PDE4B: variants seen among roughly 807,000 people sequenced by gnomAD.
The protein encoded by PDE4B is phosphodiesterase 4B.
Under a neutral mutation model 82.2 loss-of-function variants are expected in PDE4B, and 20 were observed. The observed-to-expected ratio is 0.24, with a 90% CI of 0.17 to 0.35. The LOEUF (loss-of-function observed/expected upper bound fraction) is 0.35, where lower values mean the gene tolerates loss of function less well. PDE4B is among the 10% of genes least tolerant of loss of function. PDE4B has a pLI of 1.00. For synonymous variants in PDE4B, 320 were observed against 318.9 expected, an observed-to-expected ratio of 1.00 and a Z score of -0.04; for missense variants, 655 against 907.2, an observed-to-expected ratio of 0.72 and a Z score of 3.57.
At chr1:66,059,169 A>G (rs1655458548) in intron 3 of PDE4B, among the ~76,000 whole-genome samples, 1 of 152,186 alleles carries the variant, frequency 6.6e-6, no homozygotes, top group Non-Finnish European at 1.5e-5. Context: ...CATAACAAGC[A>G]TCACCTTTGC....
At chr1:66,241,279 C>A (rs1327670344) in intron 3 of PDE4B, among the ~76,000 whole-genome samples, 16 of 152,146 alleles carry the variant, frequency 1.1e-4, no homozygotes, top group Non-Finnish European at 1.5e-5. Context: ...ACAGCTTAGT[C>A]CTTCATTAGA....
intron 3 of PDE4B, among the ~76,000 whole-genome samples, chr1:66,237,676 A>G (rs1277806610): frequency 1.3e-5 from 2 of 152,212 alleles, no homozygotes; most frequent in Non-Finnish European, 2.9e-5. Context: ...GTTTCCTTAG[A>G]CTTGATGTGG....
At chr1:66,224,206 C>G (rs1181775086) in intron 3 of PDE4B, among the ~76,000 whole-genome samples, 1 of 152,188 alleles carries the variant, frequency 6.6e-6, no homozygotes, top group Non-Finnish European at 1.5e-5. Context: ...CTCATAGACT[C>G]TGCCACTTCT....
At chr1:66,013,869 A>G (rs528577748) in intron 3 of PDE4B, among the ~76,000 whole-genome samples, 23 of 152,260 alleles carry the variant, frequency 1.5e-4, no homozygotes, top group Non-Finnish European at 2.5e-4. Flanking sequence ...TATTTCCCAT[A>G]CGGTTCTCCA....
chr1:66,117,118 A>T (rs1217422687), intron 3 of PDE4B, among the ~76,000 whole-genome samples: 1 of 152,170 alleles, frequency 6.6e-6, no homozygotes, highest in Non-Finnish European at 1.5e-5. Flanking sequence ...CTGTGGATAA[A>T]AGAAAAACAG....
chr1:66,164,517 CAG>C (rs1283767928), intron 3 of PDE4B, among the ~76,000 whole-genome samples: 1 of 94,502 alleles, frequency 1.1e-5, no homozygotes, highest in Admixed American at 1.8e-4. Flanking sequence ...GCCTGGACAA[CAG>C]AGAGAGACTC....
intron 3 of PDE4B, among the ~76,000 whole-genome samples, chr1:65,991,768 T>A (rs1651258129): frequency 6.6e-6 from 1 of 152,192 alleles, no homozygotes; most frequent in African/African-American, 2.4e-5. Flanking sequence ...GAACAAAGAA[T>A]ACACCCACTC....
intron 12 of PDE4B, among the ~76,000 whole-genome samples, 155 bp downstream of exon 12, chr1:66,363,726 A>G (rs999143973): frequency 2.0e-5 from 3 of 152,150 alleles, no homozygotes; most frequent in Non-Finnish European, 4.4e-5. Flanking sequence ...ACAGTGAGCT[A>G]TGATTGCTCC....
chr1:66,247,241 A>G (rs1326683332), intron 3 of PDE4B, among the ~76,000 whole-genome samples: 2 of 152,184 alleles, frequency 1.3e-5, no homozygotes, highest in African/African-American at 2.4e-5. Context: ...GCATGGGTAA[A>G]TAACTGAACT....
At chr1:66,136,177 A>C (rs1391674709) in intron 3 of PDE4B, among the ~76,000 whole-genome samples, 1 of 152,146 alleles carries the variant, frequency 6.6e-6, no homozygotes, top group East Asian at 1.9e-4. Flanking sequence ...GTCCACTAGT[A>C]CCACCCTAAT....
At chr1:66,087,715 G>A (rs1455089763) in intron 3 of PDE4B, among the ~76,000 whole-genome samples, 2 of 152,088 alleles carry the variant, frequency 1.3e-5, no homozygotes, top group Non-Finnish European at 1.5e-5. Flanking sequence ...CATGTCCTTT[G>A]TAGGGACGTG....
chr1:66,079,183 T>TCC (rs1656594334), intron 3 of PDE4B, among the ~76,000 whole-genome samples: 1 of 149,804 alleles, frequency 6.7e-6, no homozygotes, highest in Non-Finnish European at 1.5e-5. Context: ...TCTCTCTCTC[T>TCC]CTCTCTCTCT....
chr1:66,149,323 ATTGAG>A (rs1273221717), intron 3 of PDE4B, among the ~76,000 whole-genome samples: 1 of 152,066 alleles, frequency 6.6e-6, no homozygotes, highest in East Asian at 1.9e-4. Flanking sequence ...TTTTTAAACT[ATTGAG>A]TTATTTATAT....
chr1:65,932,854 G>A (rs946984570), intron 3 of PDE4B, among the ~76,000 whole-genome samples: 8 of 151,990 alleles, frequency 5.3e-5, no homozygotes, highest in Non-Finnish European at 1.2e-4. Flanking sequence ...GAAAAGATAA[G>A]CACACTTGAA....
At chr1:66,155,272 C>G (rs1646480595) in intron 3 of PDE4B, among the ~76,000 whole-genome samples, 1 of 152,032 alleles carries the variant, frequency 6.6e-6, no homozygotes, top group Non-Finnish European at 1.5e-5. Flanking sequence ...CAGACTCATT[C>G]CATTTTCCTC....
intron 1 of PDE4B, among the ~76,000 whole-genome samples, chr1:65,866,906 A>G (rs1646518018): frequency 6.6e-6 from 1 of 152,240 alleles, no homozygotes; most frequent in South Asian, 2.1e-4. Context: ...AAGAAAAGTT[A>G]GAAAACGTGA....
intron 3 of PDE4B, among the ~76,000 whole-genome samples, chr1:66,206,059 C>T (rs546083750): frequency 6.6e-6 from 1 of 152,342 alleles, no homozygotes; most frequent in Admixed American, 6.5e-5. Context: ...CCAGGACACT[C>T]ATGGAGTGGC....
At chr1:66,310,686 C>T (rs892995661) in intron 7 of PDE4B, among the ~76,000 whole-genome samples, 9 of 152,136 alleles carry the variant, frequency 5.9e-5, no homozygotes, top group African/African-American at 2.2e-4. Flanking sequence ...CTTTCCATTG[C>T]TCTTCCACTG....
chr1:66,179,964 T>A (rs1255748007), intron 3 of PDE4B, among the ~76,000 whole-genome samples: 2 of 152,200 alleles, frequency 1.3e-5, no homozygotes, highest in African/African-American at 4.8e-5. Context: ...ATCCCTATTC[T>A]ATAGAAAGGA....
Sources: allele counts gnomAD v4.1 joint callset (sites outside exome capture counted in the v4.1 genomes callset), GRCh38; gene constraint gnomAD v4.1.1; transcripts MANE v1.5; gene names NCBI Gene and HGNC (gene_info 2026-07-23, HGNC 2026-07-21).